The following CAMTA1 variants were observed in gnomAD, a reference collection of about 807,000 sequenced individuals.
The protein encoded by CAMTA1 is calmodulin-binding transcription activator 1.
In CAMTA1, 27 loss-of-function variants were observed where a neutral mutation model predicts 170.9. The ratio of observed to expected loss-of-function variants is 0.16; its 90% confidence interval spans 0.12 to 0.22. The LOEUF (loss-of-function observed/expected upper bound fraction) is 0.22. CAMTA1 is among the 10% of genes least tolerant of loss of function. The probability of loss-of-function intolerance (pLI) is 1.00; values close to 1 mark genes in which losing one functional copy is unlikely to be tolerated. For synonymous variants in CAMTA1, 833 were observed against 891.5 expected, an observed-to-expected ratio of 0.93 and a Z score of 1.17; for missense variants, 1,619 against 2,217.2, an observed-to-expected ratio of 0.73 and a Z score of 5.42.
intron 3 of CAMTA1, among the ~76,000 whole-genome samples, chr1:7,038,170 A>G (rs1703916246): frequency 6.6e-6 from 1 of 152,182 alleles, no homozygotes; most frequent in Non-Finnish European, 1.5e-5. Context: ...TGTTATTATT[A>G]TATATTAAAA....
At chr1:7,509,478 T>C (rs1049328171) in intron 6 of CAMTA1, among the ~76,000 whole-genome samples, 2 of 152,224 alleles carry the variant, frequency 1.3e-5, no homozygotes, top group African/African-American at 4.8e-5. Context: ...CAGACACTTG[T>C]ACCATTCTTT....
chr1:7,577,878 A>T (rs1006467169), intron 6 of CAMTA1, among the ~76,000 whole-genome samples: 20 of 152,214 alleles, frequency 1.3e-4, no homozygotes, highest in Admixed American at 3.9e-4. Context: ...ATTTGGGCCT[A>T]TGGACTATAG....
In CAMTA1 at chr1:7,663,525, G is replaced by C; in HGVS notation, c.978G>C (p.Arg326Ser). The change falls in exon 9 of 23, where the codon AGG (arginine) becomes AGC (serine). Residue 326 changes from arginine (R) to serine (S), a missense_variant. This residue lies in a region of CAMTA1 where 731 missense variants were observed against 907.6 expected (regional missense o/e 0.81). Coordinates refer to ENST00000303635, the MANE Select transcript of CAMTA1 (RefSeq NM_015215.4). ...GCAAGGGCTCCAGCCGTGAGAAGAG[G>C]AACGGCAAGGTGGCCAAGCCCGTGC... Reference protein sequence around the residue: ...SHSKGSSREKRNGKVAKPVLL... With the variant: ...SHSKGSSREKSNGKVAKPVLL... 1 of 1,604,164 alleles carries C rather than the reference G, an allele frequency of 6.2e-7. No individual in the cohort carries two copies.
At chr1:6,877,663 CA>C in intron 3 of CAMTA1, among the ~76,000 whole-genome samples, 1 of 152,316 alleles carries the variant, frequency 6.6e-6, no homozygotes, top group East Asian at 1.9e-4. Flanking sequence ...GGTGGGGTCG[CA>C]AATACTCCAT....
chr1:7,683,759 C>G (rs1172137215), intron 11 of CAMTA1, among the ~76,000 whole-genome samples: 1 of 152,236 alleles, frequency 6.6e-6, no homozygotes, highest in Non-Finnish European at 1.5e-5. Flanking sequence ...GGGCCCTCCT[C>G]GTAACCCGTC....
intron 6 of CAMTA1, among the ~76,000 whole-genome samples, chr1:7,477,787 G>A (rs1171374602): frequency 3.3e-5 from 5 of 152,142 alleles, no homozygotes; most frequent in African/African-American, 7.2e-5. Flanking sequence ...TGCAGACTGC[G>A]GCGGCCAACG....
intron 4 of CAMTA1, among the ~76,000 whole-genome samples, chr1:7,114,731 G>C (rs1644263898): frequency 6.6e-6 from 1 of 151,136 alleles, no homozygotes; most frequent in Non-Finnish European, 1.5e-5. Flanking sequence ...GAGAGCTGAT[G>C]GTGGTGTTCC....
chr1:7,189,763 T>A (rs1654163815), intron 4 of CAMTA1, among the ~76,000 whole-genome samples: 1 of 152,210 alleles, frequency 6.6e-6, no homozygotes, highest in African/African-American at 2.4e-5. Context: ...TACCATTTGA[T>A]CCAGCAGTCC....
rs1384570722 is a variant in CAMTA1, at chr1:6,948,332, A to AG, written c.234+123122_234+123123insG. On this transcript the variant is annotated intron_variant, in intron 3 of 22. Transcript: ENST00000303635. ...TGGATGACATTTAGAGTTTAGTGAG[A>AG]AGCTCTGGAAGTCTCACTGGTAGCA... Among the ~76,000 whole-genome samples the AG allele has an allele frequency of 2.0e-5, 3 of 152,268 alleles. No individual in the cohort carries two copies. In the East Asian group the frequency reaches 5.8e-4, roughly 29 times the overall value.
intron 5 of CAMTA1, among the ~76,000 whole-genome samples, chr1:7,394,881 T>C (rs960838969): frequency 3.6e-4 from 30 of 83,334 alleles, no homozygotes; most frequent in African/African-American, 1.0e-3. Flanking sequence ...TCTTTTTTTT[T>C]CTTTTTTTTT....
chr1:7,670,906 T>C lies in CAMTA1; in HGVS notation c.2653-5T>C. The C allele has an allele frequency of 6.2e-7, 1 of 1,613,600 alleles. No individual in the cohort carries two copies. The highest frequency in any genetic ancestry group is 1.1e-5 in the South Asian group (1 of 91,072). Reference sequence around the variant, plus strand: ...CAACTCTGTTCCCCTCTCTGTTCTCTGCAGGGAGGAGTGAAGGTCCTCATC... The same window carrying C: ...CAACTCTGTTCCCCTCTCTGTTCTCCGCAGGGAGGAGTGAAGGTCCTCATC... On this transcript the variant is annotated splice_polypyrimidine_tract_variant and splice_region_variant and intron_variant, in intron 9 of 22. Coordinates refer to ENST00000303635, the MANE Select transcript of CAMTA1 (RefSeq NM_015215.4).
At chr1:6,822,505 A>T (rs74051002) in intron 2 of CAMTA1, among the ~76,000 whole-genome samples, 2,084 of 152,282 alleles carry the variant, frequency 0.014, 44 homozygotes, top group African/African-American at 0.047. Flanking sequence ...TATGTTTCTT[A>T]AAAACATCCA....
At chr1:6,824,112 A>G (rs1646840689) in intron 2 of CAMTA1, among the ~76,000 whole-genome samples, 1 of 152,128 alleles carries the variant, frequency 6.6e-6, no homozygotes, top group African/African-American at 2.4e-5. Context: ...TACTGGAGCA[A>G]ATTAAGTCTT....
Position 7,244,615 on chromosome 1 carries a change from A to G in CAMTA1, c.303-4876A>G, listed in dbSNP as rs551190203. The stretch of plus-strand genomic sequence containing the variant: ...AGGGACATGGATGAAGCTGGAAACC[A>G]TCATTCTCAGCAAACTATCGCAAGG... On this transcript the variant is annotated intron_variant, in intron 4 of 22. Transcript: ENST00000303635. Among the ~76,000 whole-genome samples the G allele has an allele frequency of 5.4e-4, 82 of 152,272 alleles. 2 individuals carry two copies. The South Asian group carries it at 0.016, about 29-fold the overall frequency.
In CAMTA1 at chr1:7,007,368, A is replaced by G. The variant is rs1163827432; in HGVS notation, c.235-83936A>G. Among the ~76,000 whole-genome samples, 1 of 152,232 alleles carries G rather than the reference A, an allele frequency of 6.6e-6. No homozygotes were observed. The highest frequency in any genetic ancestry group is 1.5e-5 in the Non-Finnish European group (1 of 68,032). On this transcript the variant is annotated intron_variant, in intron 3 of 22. Coordinates refer to ENST00000303635, the MANE Select transcript of CAMTA1 (RefSeq NM_015215.4). This position sits in a 1 kb window ranked among gnomAD's most constrained non-coding sequence, Gnocchi z 4.5. Reference sequence around the variant, plus strand: ...GGGAACCCTTGCTAAGGACACAGGCAGCTGTACGCCAGAGCCTGTGGGCCA... The same window carrying G: ...GGGAACCCTTGCTAAGGACACAGGCGGCTGTACGCCAGAGCCTGTGGGCCA...
intron 5 of CAMTA1, among the ~76,000 whole-genome samples, chr1:7,375,373 A>G (rs995652411): frequency 9.2e-5 from 14 of 152,164 alleles, no homozygotes; most frequent in Admixed American, 2.6e-4. Context: ...GCCACACCCT[A>G]GAGACTCCAG....
At chr1:6,885,351 AGT>A (rs984399811) in intron 3 of CAMTA1, among the ~76,000 whole-genome samples, 1 of 152,164 alleles carries the variant, frequency 6.6e-6, no homozygotes, top group Non-Finnish European at 1.5e-5. Context: ...AGTGAAGGTC[AGT>A]GTGTGTGTGT....
At chr1:7,175,430 T>C (rs962306914) in intron 4 of CAMTA1, among the ~76,000 whole-genome samples, 1 of 152,252 alleles carries the variant, frequency 6.6e-6, no homozygotes, top group African/African-American at 2.4e-5. Flanking sequence ...GTTTGAACAG[T>C]TGGCCACACG....
intron 3 of CAMTA1, among the ~76,000 whole-genome samples, chr1:7,042,176 AG>A (rs1704564468): frequency 6.6e-6 from 1 of 152,142 alleles, no homozygotes; most frequent in Admixed American, 6.5e-5. Context: ...CTTAGGGCTA[AG>A]GGGATATTGA....
Sources: gnomAD v4.1 joint callset for allele counts (sites outside exome capture counted in the v4.1 genomes callset) on GRCh38, gnomAD v4.1.1 for gene constraint, gnomAD v4.1.1 regional missense constraint, Gnocchi (gnomAD v3.1) non-coding constraint, MANE v1.5 for transcripts, NCBI Gene and HGNC (gene_info 2026-07-23, HGNC 2026-07-21) for gene names.